The following FN1 variants were observed in gnomAD, a reference collection of about 807,000 sequenced individuals.
The protein encoded by FN1 is fibronectin 1.
FN1 carries 106 observed loss-of-function variants against 297.3 expected under a neutral mutation model. The observed-to-expected ratio is 0.36, with a 90% confidence interval of 0.30 to 0.42. The LOEUF is 0.42. Ranked by LOEUF, FN1 falls within the 10% of genes least tolerant of loss-of-function variation. The pLI is 1.00. For synonymous variants in FN1, 1,149 were observed against 1,152.6 expected, an observed-to-expected ratio of 1.00 and a Z score of 0.06; for missense variants, 2,690 against 3,124.9, an observed-to-expected ratio of 0.86 and a Z score of 3.32.
At position 215,379,236 on chromosome 2, in the gene FN1, T is replaced by C. The variant is rs1324599881; in HGVS notation, c.5516A>G (p.Gln1839Arg). The part of the protein sequence containing the change: ...LSAQWTPPNV[Q>R]LTGYRVRVTP... ...CACCCGCACTCGATATCCAGTGAGC[T>C]GAACATTGGGTGGTGTCCACTGGGC... The change falls in exon 34 of 46, where the codon CAG becomes CGG. Residue 1839 changes from glutamine (Q) to arginine (R), a missense_variant. This residue lies in a region of FN1 where 1,743 missense variants were observed against 1,945.2 expected (regional missense o/e 0.90). Coordinates refer to ENST00000354785, the MANE Select transcript of FN1 (RefSeq NM_212482.4). 1 of 1,613,974 alleles carries C rather than the reference T, an allele frequency of 6.2e-7. No individual in the cohort carries two copies. The highest frequency in any genetic ancestry group is 1.3e-5 in the African/African-American group (1 of 74,906).
At chr2:215,407,892 A>C (rs1003723334) in intron 17 of FN1, among the ~76,000 whole-genome samples, 9 of 151,826 alleles carry the variant, frequency 5.9e-5, no homozygotes, top group Non-Finnish European at 1.2e-4. Context: ...TGTGTGTATA[A>C]GGGAGTTGGT....
At chr2:215,407,976 AC>A (rs2062013080) in intron 17 of FN1, 131 bp downstream of exon 17, 2 of 695,550 alleles carry the variant, frequency 2.9e-6, no homozygotes, top group African/African-American at 1.8e-5. Flanking sequence ...ACACACACAC[AC>A]ACAAACCCCT....
At chr2:215,400,013 C>A (rs1253350983) in intron 20 of FN1, among the ~76,000 whole-genome samples, 1 of 151,844 alleles carries the variant, frequency 6.6e-6, no homozygotes, top group Non-Finnish European at 1.5e-5. Context: ...CATGGTGAAA[C>A]CCTGTCTCTA....
At chr2:215,401,185 G>C (rs1275575523) in intron 20 of FN1, among the ~76,000 whole-genome samples, 3 of 136,038 alleles carry the variant, frequency 2.2e-5, no homozygotes, top group Non-Finnish European at 4.6e-5. Context: ...GAGAGAGTGA[G>C]AGAGAAAGAA....
At chr2:215,383,599 ATTTC>A in intron 30 of FN1, 116 bp from the exon 31 acceptor site, 6 of 1,093,578 alleles carry the variant, frequency 5.5e-6, no homozygotes, top group Non-Finnish European at 8.4e-6. Context: ...TGAGAAAGGT[ATTTC>A]TTCTCGAAAG....
Position 215,391,700 on chromosome 2 carries a change from G to A in FN1, c.4184C>T (p.Pro1395Leu), listed in dbSNP as rs2059724659. 1 of 1,613,988 alleles carries A rather than the reference G, an allele frequency of 6.2e-7. No individual in the cohort carries two copies. The highest frequency in any genetic ancestry group is 8.5e-7 in the Non-Finnish European group (1 of 1,179,978). Reference protein sequence around the residue: ...DLTNFLVRYSPVKNEEDVAEL... With the variant: ...DLTNFLVRYSLVKNEEDVAEL... The stretch of plus-strand genomic sequence containing the variant: ...TGCAACATCTTCCTCATTTTTCACA[G>A]GTGAGTAACGCACCAGGAAGTTGGT... The change falls in exon 26 of 46, where the codon CCT becomes CTT. Residue 1395 changes from proline to leucine, a missense_variant. Transcript: ENST00000354785.
intron 11 of FN1, among the ~76,000 whole-genome samples, chr2:215,420,198 G>A (rs1230609296): frequency 1.3e-5 from 2 of 152,104 alleles, no homozygotes; most frequent in East Asian, 1.9e-4. Flanking sequence ...AATTAGCTGG[G>A]CCTGGTGGCG....
intron 20 of FN1, among the ~76,000 whole-genome samples, chr2:215,401,242 GAAA>G (rs1559475368): frequency 0.053 from 3,164 of 59,610 alleles, 126 homozygotes; most frequent in Middle Eastern, 0.079. Flanking sequence ...AAGAAAGAAA[GAAA>G]GAAAGGAAGA....
intron 27 of FN1, among the ~76,000 whole-genome samples, chr2:215,387,577 T>C (rs6435903): frequency 0.2 from 30,868 of 152,144 alleles, 3,366 homozygotes; most frequent in Non-Finnish European, 0.24. Flanking sequence ...CAGAGTTTGT[T>C]GCAAATTCAA....
rs2063864813 is a variant in FN1, at chr2:215,419,244, G to A, written c.1817C>T (p.Pro606Leu). The A allele has an allele frequency of 6.8e-6, 11 of 1,613,722 alleles. No individual in the cohort carries two copies. The highest frequency in any genetic ancestry group is 9.3e-6 in the Non-Finnish European group (11 of 1,179,790). ...CTTGCAGTAATAGAGCTACTTACTT[G>A]GATAGGTCTGTAAAGGTTGGCAATG... ...EWHCQPLQTY[P>L]SSSGPVEVFI... is the part of the protein sequence containing the mutation. The change falls in exon 12 of 46, where the codon CCA becomes CTA. Residue 606 changes from proline to leucine, a missense_variant and splice_region_variant. By Grantham distance (98) the Pro-to-Leu change is moderately conservative. Transcript: ENST00000354785.
At chr2:215,385,873 G>A (rs940963720) in intron 28 of FN1, among the ~76,000 whole-genome samples, 1 of 150,014 alleles carries the variant, frequency 6.7e-6, no homozygotes, top group Non-Finnish European at 1.5e-5. Context: ...CGCCTCCTGG[G>A]TTCAAGCAAT....
rs750206212 is a variant in FN1, at chr2:215,399,292, T to C, written c.3313A>G (p.Ile1105Val). ...ATTCTTGGAGCAGGCGTCCATGTGA[T>C]CACAATGGTGGTCTCAGTCACCTCG... ...NTEVTETTIV[I>V]TWTPAPRIGF... Residue 1105 changes from isoleucine (I) to valine (V), a missense_variant, in exon 21 of 46, where the codon ATC becomes GTC. Ile to Val is a conservative substitution (Grantham distance 29, BLOSUM62 3). Coordinates refer to ENST00000354785, the MANE Select transcript of FN1 (RefSeq NM_212482.4). 6.2e-7 allele frequency: 1 copy of C among 1,614,002 alleles called. No individual in the cohort carries two copies.
chr2:215,435,713 C>G lies in FN1; in HGVS notation c.90G>C (p.Lys30Asn). ...GCTGAACCATTTGCTGAGCCTGCCTCTTGCTCTTCGAGGCTCCCGTGGAGG... is the reference window on the plus strand; with the variant it reads ...GCTGAACCATTTGCTGAGCCTGCCTGTTGCTCTTCGAGGCTCCCGTGGAGG... ...AVPSTGASKS[K>N]RQAQQMVQPQ... The change falls in exon 1 of 46, where the codon AAG becomes AAC. Residue 30 changes from lysine (K) to asparagine (N), a missense_variant. By Grantham distance (94) the Lys-to-Asn change is moderately conservative. Around this residue, in one of 3 missense-constraint regions of FN1, gnomAD observed 876 missense variants for 1,058.1 expected, o/e 0.83. Transcript: ENST00000354785. The G allele has an allele frequency of 3.7e-6, 6 of 1,612,402 alleles. No homozygotes were observed. The highest frequency in any genetic ancestry group is 5.1e-6 in the Non-Finnish European group (6 of 1,179,598).
chr2:215,430,758 A>G lies in FN1; in HGVS notation c.642T>C (p.Thr214=). 6.2e-7 allele frequency: 1 copy of G among 1,614,170 alleles called. No individual in the cohort carries two copies. The highest frequency in any genetic ancestry group is 1.3e-5 in the African/African-American group (1 of 75,070). Reference sequence around the variant, plus strand: ...TGCGTCCGCTGCCTTCTCCCAGGCAAGTACAATCTACCATCATCCAGCCTT... The same window carrying G: ...TGCGTCCGCTGCCTTCTCCCAGGCAGGTACAATCTACCATCATCCAGCCTT... ...PYQGWMMVDC[T]CLGEGSGRIT... Residue 214 remains threonine, a synonymous_variant, in exon 5 of 46, where the codon ACT becomes ACC. Coordinates refer to ENST00000354785, the MANE Select transcript of FN1 (RefSeq NM_212482.4).
chr2:215,433,853 G>A (rs552546045), intron 2 of FN1, among the ~76,000 whole-genome samples: 1 of 152,336 alleles, frequency 6.6e-6, no homozygotes, highest in South Asian at 2.1e-4. Context: ...TGTAATCCCA[G>A]CACTTTGGGA....
intron 45 of FN1, 56 bp downstream of exon 45, chr2:215,361,913 T>C (rs2053534212): frequency 6.3e-7 from 1 of 1,588,904 alleles, no homozygotes; most frequent in Non-Finnish European, 8.6e-7. Flanking sequence ...GAAAGATACC[T>C]GTAGAAAGAG....
intron 38 of FN1, among the ~76,000 whole-genome samples, chr2:215,374,191 G>A (rs2056829685): frequency 6.6e-6 from 1 of 152,178 alleles, no homozygotes; most frequent in African/African-American, 2.4e-5. Flanking sequence ...GGAGAGATTG[G>A]CCAGTGTTTG....
rs1306609500 is a variant in FN1, at chr2:215,399,626, T to A, written c.3254-275A>T. Among the ~76,000 whole-genome samples, 3 of 152,150 alleles carry A rather than the reference T, an allele frequency of 2.0e-5. 1 individual carries two copies. The highest frequency in any genetic ancestry group is 4.8e-5 in the African/African-American group (2 of 41,448). On this transcript the variant is annotated intron_variant, in intron 20 of 45. Coordinates refer to ENST00000354785, the MANE Select transcript of FN1 (RefSeq NM_212482.4). Reference sequence around the variant, plus strand: ...AGTTTGCATTTCTGACAAACACAGATAATACCAATTCTGCTGGCCCGTGAA... The same window carrying A: ...AGTTTGCATTTCTGACAAACACAGAAAATACCAATTCTGCTGGCCCGTGAA...
In FN1 at chr2:215,371,954, G is replaced by A. The variant is rs2056265487; in HGVS notation, c.6669C>T (p.Tyr2223=). ...SWAPFQDTSE[Y]IISCHPVGTD... ...TGCCAACAGGATGACATGAAATGAT[G>A]TACTCAGAAGTGTCCTGGAATGGGG... is the stretch of plus-strand genomic sequence containing the variant. The change falls in exon 40 of 46, where the codon TAC becomes TAT. Residue 2223 remains tyrosine (Y), a synonymous_variant. Transcript: ENST00000354785. The A allele has an allele frequency of 2.5e-6, 4 of 1,614,180 alleles. No individual in the cohort carries two copies. Among genetic ancestry groups the A allele is most frequent in the South Asian group, 1.1e-5 (1 of 91,080 alleles).
Sources: allele counts gnomAD v4.1 joint callset (sites outside exome capture counted in the v4.1 genomes callset), GRCh38; gene constraint gnomAD v4.1.1; regional missense constraint gnomAD v4.1.1; transcripts MANE v1.5; gene names NCBI Gene and HGNC (gene_info 2026-07-23, HGNC 2026-07-21).